DNAAF11: variants seen among roughly 807,000 people sequenced by gnomAD.
DNAAF11 encodes the protein dynein axonemal assembly factor 11.
In DNAAF11, 45 loss-of-function variants were observed where a neutral mutation model predicts 60.8. That is an observed-to-expected ratio of 0.74 (90% confidence interval 0.58 to 0.95). The LOEUF (loss-of-function observed/expected upper bound fraction) is 0.95, where lower values mean the gene tolerates loss of function less well. Among genes scored for constraint, DNAAF11 ranks in the 40% least tolerant of loss-of-function variants. The probability of loss-of-function intolerance (pLI) is 0.00; values close to 1 mark genes in which losing one functional copy is unlikely to be tolerated. For synonymous variants in DNAAF11, 191 were observed against 183.5 expected (o/e 1.04, Z -0.33); for missense variants, 546 against 546.2 (o/e 1.00, Z 0.00).
chr8:132,646,638 G>A (rs570276365), intron 3 of DNAAF11, among the ~76,000 whole-genome samples: 7 of 152,294 alleles, frequency 4.6e-5, no homozygotes, highest in African/African-American at 1.4e-4. Context: ...AGGGATGGAG[G>A]AAGATCTACC....
intron 11 of DNAAF11, among the ~76,000 whole-genome samples, chr8:132,583,404 C>T (rs1263791954): frequency 6.6e-6 from 1 of 152,102 alleles, no homozygotes; most frequent in Non-Finnish European, 1.5e-5. Flanking sequence ...CAGAATAGCA[C>T]CTGACACGAA....
chr8:132,613,792 G>T (rs73355158), intron 8 of DNAAF11, among the ~76,000 whole-genome samples: 11,668 of 152,176 alleles, frequency 0.077, 1,216 homozygotes, highest in African/African-American at 0.24. Context: ...TCTTGGAAAA[G>T]TTACCCCCTC....
At chr8:132,622,106 T>C (rs1318786562) in intron 7 of DNAAF11, among the ~76,000 whole-genome samples, 1 of 152,148 alleles carries the variant, frequency 6.6e-6, no homozygotes, top group Non-Finnish European at 1.5e-5. Flanking sequence ...GTAGATCAGA[T>C]GTGATTATAC....
chr8:132,610,299 G>T, intron 9 of DNAAF11, 38 bp from the exon 10 acceptor site: 1 of 1,385,900 alleles, frequency 7.2e-7, no homozygotes, highest in Non-Finnish European at 1.0e-6. Context: ...TTGAGAGCAA[G>T]GACGTTACAT....
intron 10 of DNAAF11, among the ~76,000 whole-genome samples, chr8:132,602,151 A>G (rs570597298): frequency 6.6e-6 from 1 of 152,128 alleles, no homozygotes; most frequent in African/African-American, 2.4e-5. Flanking sequence ...TTTTAAAGTT[A>G]TCATATTTCA....
chr8:132,679,156 G>A (rs1825829537), upstream of DNAAF11, among the ~76,000 whole-genome samples: 1 of 152,290 alleles, frequency 6.6e-6, no homozygotes, highest in Non-Finnish European at 1.5e-5. Context: ...AGAATTTTGT[G>A]CCTAAACCTT....
At chr8:132,580,483 A>G (rs1815210108) in intron 11 of DNAAF11, among the ~76,000 whole-genome samples, 1 of 152,260 alleles carries the variant, frequency 6.6e-6, no homozygotes, top group Non-Finnish European at 1.5e-5. Context: ...AACATTGTGA[A>G]TATACTAACT....
chr8:132,689,365 G>A, the DNAAF11 span, among the ~76,000 whole-genome samples: 1 of 152,114 alleles, frequency 6.6e-6, no homozygotes, highest in African/African-American at 2.4e-5. Flanking sequence ...CTGATTATCA[G>A]AATCATCTGG....
At chr8:132,620,910 G>A (rs926681218) in intron 7 of DNAAF11, among the ~76,000 whole-genome samples, 1 of 152,120 alleles carries the variant, frequency 6.6e-6, no homozygotes, top group African/African-American at 2.4e-5. Flanking sequence ...GAAGTGAGCC[G>A]GTTGGGGAAC....
the DNAAF11 span, among the ~76,000 whole-genome samples, chr8:132,692,466 C>G: frequency 1.3e-5 from 2 of 152,106 alleles, no homozygotes; most frequent in Admixed American, 6.5e-5. Context: ...AGCTGGCCAA[C>G]CTGCAGAACT....
chr8:132,579,184 C>A (rs1433778275), intron 11 of DNAAF11, among the ~76,000 whole-genome samples: 1 of 152,172 alleles, frequency 6.6e-6, no homozygotes, highest in African/African-American at 2.4e-5. Flanking sequence ...AAGTACCTCC[C>A]AGGCCTCTAA....
Position 132,632,844 on chromosome 8 carries a change from G to A in DNAAF11, c.549C>T (p.Leu183=), listed in dbSNP as rs1413220725. The A allele has an allele frequency of 1.2e-6, 2 of 1,613,722 alleles. No homozygotes were observed. Among genetic ancestry groups the A allele is most frequent in the Admixed American group, 1.7e-5 (1 of 59,990 alleles). Residue 183 remains leucine, a synonymous_variant, in exon 5 of 12, where the codon CTC becomes CTT. Coordinates refer to ENST00000620350, the MANE Select transcript of DNAAF11 (RefSeq NM_012472.6). ...EKDHCLKRAK[L]KEEAQRKHQE... is the part of the protein sequence containing the mutation. ...GGTGTTTCCTCTGAGCCTCTTCCTTGAGTTTGGCTCGTTTAAGACAGTGAT... is the reference window on the plus strand; with the variant it reads ...GGTGTTTCCTCTGAGCCTCTTCCTTAAGTTTGGCTCGTTTAAGACAGTGAT...
chr8:132,597,501 A>G (rs972443920), intron 10 of DNAAF11, among the ~76,000 whole-genome samples: 1 of 152,124 alleles, frequency 6.6e-6, no homozygotes, highest in African/African-American at 2.4e-5. Flanking sequence ...TATCTACTAT[A>G]TGTTTATTTT....
At chr8:132,695,734 G>C in the DNAAF11 span, among the ~76,000 whole-genome samples, 1 of 136,596 alleles carries the variant, frequency 7.3e-6, no homozygotes, top group South Asian at 2.4e-4. Context: ...TCAAAGAAAG[G>C]CCCGGATGTG....
chr8:132,637,735 A>G (rs531951623), intron 4 of DNAAF11, among the ~76,000 whole-genome samples, 200 bp downstream of exon 4: 37 of 152,386 alleles, frequency 2.4e-4, no homozygotes, highest in African/African-American at 8.7e-4. Context: ...GGTGAAAAGT[A>G]TGCAATTTAT....
intron 3 of DNAAF11, among the ~76,000 whole-genome samples, chr8:132,638,397 CA>C (rs1339864635): frequency 6.6e-6 from 1 of 152,118 alleles, no homozygotes; most frequent in Non-Finnish European, 1.5e-5. Context: ...CTGATTTGGT[CA>C]CTATCTGGCA....
chr8:132,601,995 C>T (rs1490484720), intron 10 of DNAAF11, among the ~76,000 whole-genome samples: 1 of 151,834 alleles, frequency 6.6e-6, no homozygotes, highest in African/African-American at 2.4e-5. Flanking sequence ...CATGTTAGAC[C>T]TTCTCACTCT....
rs894478835 is a variant in DNAAF11 at position 132,653,593 on chromosome 8, T to C, written c.256+3237A>G. ...ATAAATCTATGCAAATAGGCACATA[T>C]TATATAAAGATGTGATATGTGACAA... On this transcript the variant is annotated intron_variant, in intron 3 of 11. Transcript: ENST00000620350. Among the ~76,000 whole-genome samples the C allele has an allele frequency of 6.2e-4, 94 of 152,190 alleles. 1 individual carries two copies. Among genetic ancestry groups the C allele is most frequent in the East Asian group, 9.6e-4 (5 of 5,182 alleles).
chr8:132,594,797 T>C (rs994643353), intron 10 of DNAAF11, among the ~76,000 whole-genome samples: 3 of 152,028 alleles, frequency 2.0e-5, no homozygotes, highest in Non-Finnish European at 2.9e-5. Flanking sequence ...ATGCAGAACT[T>C]TGAGTCAATT....
Sources: allele counts gnomAD v4.1 joint callset (sites outside exome capture counted in the v4.1 genomes callset), GRCh38; gene constraint gnomAD v4.1.1; transcripts MANE v1.5; gene names NCBI Gene and HGNC (gene_info 2026-07-23, HGNC 2026-07-21).